NPIPA1: variants seen among roughly 807,000 people sequenced by gnomAD.
NPIPA1 encodes nuclear pore complex-interacting protein family member A1.
For missense variants in NPIPA1, 22 were observed against 232.2 expected (o/e 0.09, Z 5.88); for synonymous variants, 7 against 88.0 (o/e 0.08, Z 5.15).
chr16:14,942,908 CCTT>C (rs1375675157), intron 2 of NPIPA1, among the ~76,000 whole-genome samples: 3 of 152,260 alleles, frequency 2.0e-5, no homozygotes, highest in East Asian at 1.9e-4. Flanking sequence ...GGCTGAACCT[CCTT>C]CTGAACAATG....
At chr16:14,946,578 G>T (rs2151082986) in intron 4 of NPIPA1, among the ~76,000 whole-genome samples, 1 of 147,040 alleles carries the variant, frequency 6.8e-6, no homozygotes, top group Non-Finnish European at 1.5e-5. Flanking sequence ...AGGCTGGAGT[G>T]CTATGGTGCA....
intron 2 of NPIPA1, among the ~76,000 whole-genome samples, chr16:14,943,614 C>G (rs1965806363): frequency 6.8e-6 from 1 of 146,144 alleles, no homozygotes; most frequent in Non-Finnish European, 1.5e-5. Flanking sequence ...TGCCATGAAG[C>G]ATTCATGTGT....
At chr16:14,943,105 A>G (rs1965791147) in intron 2 of NPIPA1, among the ~76,000 whole-genome samples, 1 of 151,920 alleles carries the variant, frequency 6.6e-6, no homozygotes, top group African/African-American at 2.4e-5. Context: ...TATGCCACTT[A>G]GTCCTGAACA....
chr16:14,943,567 A>G (rs1965805224), intron 2 of NPIPA1, among the ~76,000 whole-genome samples: 1 of 149,028 alleles, frequency 6.7e-6, no homozygotes, highest in African/African-American at 2.5e-5. Flanking sequence ...TCATCTAGTC[A>G]TCTATACCAT....
intron 1 of NPIPA1, chr16:14,938,109 C>G (rs1965663201): frequency 2.3e-6 from 1 of 438,170 alleles, no homozygotes; most frequent in African/African-American, 2.1e-5. Flanking sequence ...CCCTCCCCCT[C>G]CCCAACTCAG....
rs1965804177 is a variant in NPIPA1 at position 14,943,526 on chromosome 16, G to A, written c.192+1586G>A. Among the ~76,000 whole-genome samples, 6 of 149,102 alleles carry A rather than the reference G, an allele frequency of 4.0e-5. No individual in the cohort carries two copies. In the South Asian group the frequency reaches 1.3e-3, roughly 33 times the overall value. ...AAGTTCAGTTGAGCTGTTGGACTTG[G>A]ACAACTTTGTACCTCTCATCTTTGT... is the stretch of plus-strand genomic sequence containing the variant. On this transcript the variant is annotated intron_variant, in intron 2 of 7. Coordinates refer to ENST00000328085, the MANE Select transcript of NPIPA1 (RefSeq NM_006985.4).
intron 2 of NPIPA1, among the ~76,000 whole-genome samples, chr16:14,945,167 T>C (rs1280080608): frequency 6.6e-6 from 1 of 150,768 alleles, no homozygotes; most frequent in Non-Finnish European, 1.5e-5. Flanking sequence ...TGCCTCGGCC[T>C]CCCAAAGTGC....
chr16:14,943,525 G>A (rs1352841598), intron 2 of NPIPA1, among the ~76,000 whole-genome samples: 3 of 149,006 alleles, frequency 2.0e-5, no homozygotes, highest in Non-Finnish European at 4.4e-5. Context: ...TGTTGGACTT[G>A]GACAACTTTG....
At chr16:14,946,688 ATT>A (rs57059259) in intron 4 of NPIPA1, among the ~76,000 whole-genome samples, 58 of 89,918 alleles carry the variant, frequency 6.5e-4, no homozygotes, top group East Asian at 4.7e-3. Flanking sequence ...CATTCGGCCA[ATT>A]TTTTTTTTTT....
intron 1 of NPIPA1, chr16:14,941,540 A>G (rs1363737549): frequency 7.3e-6 from 1 of 137,080 alleles, no homozygotes; most frequent in Non-Finnish European, 1.4e-5. Context: ...CTTTTAATAT[A>G]GGCAGGGAAG....
chr16:14,945,267 T>TGTGTGTGTGTGTGA (rs1349396254), intron 2 of NPIPA1, among the ~76,000 whole-genome samples: 11 of 132,074 alleles, frequency 8.3e-5, no homozygotes, highest in African/African-American at 2.9e-4. Context: ...TGTGTGTGTG[T>TGTGTGTGTGTGTGA]GAGACAGAGT....
chr16:14,941,121 C>T (rs1334135232), intron 1 of NPIPA1, among the ~76,000 whole-genome samples: 1 of 150,718 alleles, frequency 6.6e-6, no homozygotes, highest in East Asian at 2.0e-4. Context: ...GAGTGAGACC[C>T]CATCTCAAAA....
chr16:14,944,949 T>C (rs1965846506), intron 2 of NPIPA1, among the ~76,000 whole-genome samples: 1 of 150,100 alleles, frequency 6.7e-6, no homozygotes, highest in Admixed American at 6.7e-5. Flanking sequence ...TTGAATTTTG[T>C]TGCCCATGTT....
rs375699213 is a variant in NPIPA1 at position 14,950,744 on chromosome 16, T to G, written c.642+489T>G. On this transcript the variant is annotated intron_variant, in intron 7 of 7. Transcript: ENST00000328085. ...TTTCCATGGACAAAAGTATTCTTTATGTCCTAGTGCACTTACAATTTGGTA... is the reference window on the plus strand; with the variant it reads ...TTTCCATGGACAAAAGTATTCTTTAGGTCCTAGTGCACTTACAATTTGGTA... 2.9e-4 allele frequency: 192 copies of G among 671,524 alleles called. 29 individuals carry two copies. The highest frequency in any genetic ancestry group is 1.1e-3 in the East Asian group (27 of 24,706). 41.6% of individuals were successfully genotyped at this position (671,524 alleles called of 1,614,324 possible). A position where few individuals can be genotyped will look rare whatever the true frequency, so the allele number is the denominator to read the frequency against.
chr16:14,938,513 C>G (rs1965678329), intron 1 of NPIPA1, among the ~76,000 whole-genome samples: 1 of 145,132 alleles, frequency 6.9e-6, no homozygotes, highest in Non-Finnish European at 1.5e-5. Context: ...GCCAGGGCAT[C>G]ATAGCGAAAC....
chr16:14,940,698 T>C (rs1449867926), intron 1 of NPIPA1, among the ~76,000 whole-genome samples: 6 of 131,686 alleles, frequency 4.6e-5, no homozygotes, highest in Non-Finnish European at 7.8e-5. Flanking sequence ...AGAGCAAGAC[T>C]TTGTCTCAAA....
intron 4 of NPIPA1, among the ~76,000 whole-genome samples, chr16:14,947,340 G>A (rs1183068580): frequency 6.6e-6 from 1 of 151,972 alleles, no homozygotes. Flanking sequence ...CTCCGTACAG[G>A]CTGCAATTGA....
At chr16:14,940,956 CA>C (rs1965736572) in intron 1 of NPIPA1, among the ~76,000 whole-genome samples, 1 of 111,002 alleles carries the variant, frequency 9.0e-6, no homozygotes, top group Non-Finnish European at 1.8e-5. Context: ...GGCAAAACCC[CA>C]TCTCCACAAA....
intron 4 of NPIPA1, among the ~76,000 whole-genome samples, chr16:14,948,274 C>G (rs1223430941): frequency 6.6e-6 from 1 of 152,244 alleles, no homozygotes; most frequent in Admixed American, 6.5e-5. Context: ...GACATAACAT[C>G]CTGACTTAGG....
Sources: allele counts gnomAD v4.1 joint callset (sites outside exome capture counted in the v4.1 genomes callset), GRCh38; gene constraint gnomAD v4.1.1; transcripts MANE v1.5; gene names NCBI Gene and HGNC (gene_info 2026-07-23, HGNC 2026-07-21).